The following XYLT1 variants were observed in gnomAD, a reference collection of about 807,000 sequenced individuals.
XYLT1 encodes beta-D-xylosyltransferase 1.
XYLT1 carries 36 observed loss-of-function variants against 91.3 expected under a neutral mutation model. The ratio of observed to expected loss-of-function variants is 0.39; its 90% CI spans 0.30 to 0.52. XYLT1 has a LOEUF of 0.52. XYLT1 is among the 20% of genes least tolerant of loss of function. The pLI, the probability that XYLT1 is intolerant of heterozygous loss-of-function variation, is 0.68. For missense variants in XYLT1, 1,242 were observed against 1,284.5 expected, an observed-to-expected ratio of 0.97 and a Z score of 0.51; for synonymous variants, 588 against 532.0, an observed-to-expected ratio of 1.11 and a Z score of -1.45.
chr16:17,347,072 G>A (rs1167345416), intron 2 of XYLT1, among the ~76,000 whole-genome samples: 1 of 152,250 alleles, frequency 6.6e-6, no homozygotes, highest in African/African-American at 2.4e-5. Context: ...CTGGTCTGGA[G>A]AAGCAGCTAC....
intron 2 of XYLT1, among the ~76,000 whole-genome samples, chr16:17,331,187 G>T (rs1193683926): frequency 6.6e-6 from 1 of 152,258 alleles, no homozygotes. Flanking sequence ...CTCTGGAGGA[G>T]GGGGAGATGA....
At chr16:17,206,095 C>T (rs2032638526) in intron 3 of XYLT1, among the ~76,000 whole-genome samples, 1 of 152,122 alleles carries the variant, frequency 6.6e-6, no homozygotes, top group African/African-American at 2.4e-5. Context: ...AGGAAAGACA[C>T]CGCCCCTCTC....
At chr16:17,283,071 C>T (rs1352926805) in intron 2 of XYLT1, among the ~76,000 whole-genome samples, 1 of 152,086 alleles carries the variant, frequency 6.6e-6, no homozygotes, top group Non-Finnish European at 1.5e-5. Flanking sequence ...TCCAGAACGC[C>T]TAAGAAATTC....
intron 2 of XYLT1, among the ~76,000 whole-genome samples, chr16:17,327,606 G>A (rs60595432): frequency 0.011 from 23 of 2,096 alleles, no homozygotes; most frequent in African/African-American, 0.023. Flanking sequence ...TCGTGATCCC[G>A]CCCCCCCCCC....
At chr16:17,357,172 CAAAAAAAAA>C (rs1168668915) in intron 2 of XYLT1, among the ~76,000 whole-genome samples, 483 of 41,650 alleles carry the variant, frequency 0.012, 12 homozygotes, top group African/African-American at 0.029. Context: ...GACTCGGTCT[CAAAAAAAAA>C]AAAAAAAAAA....
At chr16:17,293,119 C>T (rs887733225) in intron 2 of XYLT1, among the ~76,000 whole-genome samples, 13 of 152,280 alleles carry the variant, frequency 8.5e-5, no homozygotes, top group African/African-American at 3.1e-4. Context: ...TCCAAGAAGA[C>T]TTTTACTGGA....
chr16:17,191,343 G>A (rs1223476054), intron 5 of XYLT1, among the ~76,000 whole-genome samples: 1 of 152,198 alleles, frequency 6.6e-6, no homozygotes, highest in African/African-American at 2.4e-5. Context: ...TGATCTGTAC[G>A]CAGATGCAGT....
intron 2 of XYLT1, among the ~76,000 whole-genome samples, chr16:17,338,862 A>G (rs553128824): frequency 2.0e-5 from 3 of 152,112 alleles, no homozygotes; most frequent in Admixed American, 6.5e-5. Flanking sequence ...TGGGATTATC[A>G]TTCACCCGTT....
intron 1 of XYLT1, among the ~76,000 whole-genome samples, chr16:17,407,842 G>A (rs1596530041): frequency 1.3e-5 from 2 of 152,244 alleles, no homozygotes; most frequent in East Asian, 3.8e-4. Flanking sequence ...GGTCTAATGG[G>A]AGGTGTTTGG....
chr16:17,458,296 T>C (rs1305940384), intron 1 of XYLT1, among the ~76,000 whole-genome samples: 1 of 152,242 alleles, frequency 6.6e-6, no homozygotes, highest in Non-Finnish European at 1.5e-5. Flanking sequence ...TAGTCATTAC[T>C]GGCCCATTTG....
chr16:17,288,882 A>C (rs1309107752), intron 2 of XYLT1, among the ~76,000 whole-genome samples: 1 of 152,170 alleles, frequency 6.6e-6, no homozygotes, highest in Non-Finnish European at 1.5e-5. Flanking sequence ...ACAAATAAAA[A>C]TTTCTTACCG....
In XYLT1 at chr16:17,117,743, G is replaced by GA; in HGVS notation, c.2459dup (p.Trp821LeufsTer33). 1 of 1,614,198 alleles carries GA rather than the reference G, an allele frequency of 6.2e-7. No homozygotes were observed. Among genetic ancestry groups the GA allele is most frequent in the Non-Finnish European group, 8.5e-7 (1 of 1,180,028 alleles). The stretch of plus-strand genomic sequence containing the variant: ...AGTGGTGGAGAATTTTCACTGTCCA[G>GA]ACCCCAGGCCTCAGGGGCAAGTTCA... On this transcript the variant is annotated frameshift_variant, in exon 11 of 12. Transcript: ENST00000261381. LOFTEE classifies it high-confidence loss of function.
chr16:17,283,131 C>T (rs1023625602), intron 2 of XYLT1, among the ~76,000 whole-genome samples: 3 of 152,268 alleles, frequency 2.0e-5, no homozygotes, highest in Non-Finnish European at 4.4e-5. Flanking sequence ...ATCCCGTCCT[C>T]GCTTGGAAGG....
At chr16:17,345,516 C>T (rs1042859626) in intron 2 of XYLT1, among the ~76,000 whole-genome samples, 2 of 152,200 alleles carry the variant, frequency 1.3e-5, no homozygotes, top group Non-Finnish European at 2.9e-5. Context: ...AGAGAAAAGG[C>T]AGGGGGTGAC....
intron 1 of XYLT1, among the ~76,000 whole-genome samples, chr16:17,441,922 A>T (rs1422982555): frequency 3.9e-5 from 6 of 152,192 alleles, no homozygotes; most frequent in Admixed American, 3.9e-4. Context: ...TTAATGTATC[A>T]ACTTGATGTG....
At chr16:17,140,658 CAAAAAAAAAAAAAAAAAAA>C (rs71137974) in intron 7 of XYLT1, among the ~76,000 whole-genome samples, 3 of 68,004 alleles carry the variant, frequency 4.4e-5, no homozygotes, top group South Asian at 1.4e-3. Flanking sequence ...AAGACTGTCT[CAAAAAAAAAAAAAAAAAAA>C]AAAAAAAAAA....
chr16:17,198,451 G>A (rs1209667152), intron 4 of XYLT1, 37 bp from the exon 5 acceptor site: 4 of 1,597,864 alleles, frequency 2.5e-6, no homozygotes, highest in African/African-American at 2.7e-5. Context: ...ACAGTCAGTG[G>A]CCTAGAAAAT....
intron 2 of XYLT1, among the ~76,000 whole-genome samples, chr16:17,299,744 A>G (rs1276389858): frequency 6.6e-6 from 1 of 152,178 alleles, no homozygotes; most frequent in Admixed American, 6.5e-5. Flanking sequence ...CATAGCTCTT[A>G]TATAATGAAG....
chr16:17,407,828 G>T (rs2036053553), intron 1 of XYLT1, among the ~76,000 whole-genome samples: 2 of 152,356 alleles, frequency 1.3e-5, no homozygotes, highest in South Asian at 4.1e-4. Context: ...AGTGTTGGAG[G>T]TGGGGTCTAA....
Sources: gnomAD v4.1 joint callset for allele counts (sites outside exome capture counted in the v4.1 genomes callset) on GRCh38, gnomAD v4.1.1 for gene constraint, MANE v1.5 for transcripts, NCBI Gene and HGNC (gene_info 2026-07-23, HGNC 2026-07-21) for gene names.